The following TRIO variants were observed in gnomAD, a reference collection of about 807,000 sequenced individuals.
TRIO encodes the protein trio Rho guanine nucleotide exchange factor.
In TRIO, 58 loss-of-function variants were observed where a neutral mutation model predicts 351.9. The observed-to-expected ratio is 0.16, with a 90% confidence interval of 0.13 to 0.21. The LOEUF is 0.21. Among genes scored for constraint, TRIO ranks in the 10% least tolerant of loss-of-function variants. The probability of loss-of-function intolerance (pLI) is 1.00; values close to 1 mark genes in which losing one functional copy is unlikely to be tolerated. For synonymous variants in TRIO, 1,758 were observed against 1,595.7 expected (o/e 1.10, Z -2.42); for missense variants, 3,201 against 4,027.8 (o/e 0.79, Z 5.56).
intron 33 of TRIO, among the ~76,000 whole-genome samples, chr5:14,410,142 C>T (rs1749073374): frequency 6.6e-6 from 1 of 152,168 alleles, no homozygotes; most frequent in Non-Finnish European, 1.5e-5. Flanking sequence ...GTGTCTTACT[C>T]CGTTCTGGAG....
chr5:14,464,335 A>C (rs26104), intron 36 of TRIO, among the ~76,000 whole-genome samples: 7 of 152,094 alleles, frequency 4.6e-5, no homozygotes, highest in African/African-American at 1.7e-4. Context: ...CCATTTAAAG[A>C]GTGACCTGCA....
intron 31 of TRIO, among the ~76,000 whole-genome samples, chr5:14,404,787 A>C (rs1018407997): frequency 1.4e-4 from 21 of 152,286 alleles, no homozygotes; most frequent in Admixed American, 1.4e-3. Context: ...ACCTGTTAGT[A>C]ATGTTAAAGA....
At chr5:14,226,118 G>A (rs1793007364) in intron 1 of TRIO, among the ~76,000 whole-genome samples, 1 of 152,136 alleles carries the variant, frequency 6.6e-6, no homozygotes, top group Admixed American at 6.5e-5. Flanking sequence ...CACAGGAGAG[G>A]CAAGGAGGTG....
intron 6 of TRIO, among the ~76,000 whole-genome samples, chr5:14,294,400 CA>C (rs1346555139): frequency 1.3e-5 from 2 of 152,184 alleles, no homozygotes; most frequent in African/African-American, 2.4e-5. Flanking sequence ...TTCGAATCGT[CA>C]AACCTGGGCA....
Position 14,387,947 on chromosome 5 carries a change from A to G in TRIO, c.3881+100A>G. Reference sequence around the variant, plus strand: ...TGTGTGTGCTTTGAAGTCACATGGCACCCAGGCTTTTTGTTGCTCTGGGTG... The same window carrying G: ...TGTGTGTGCTTTGAAGTCACATGGCGCCCAGGCTTTTTGTTGCTCTGGGTG... On this transcript the variant is annotated intron_variant, in intron 23 of 56. Transcript: ENST00000344204. 3.1e-6 allele frequency: 4 copies of G among 1,300,762 alleles called. No homozygotes were observed. In the South Asian group the frequency reaches 5.3e-5, roughly 17 times the overall value. 80.6% of individuals were successfully genotyped at this position (1,300,762 alleles called of 1,614,324 possible).
At chr5:14,477,910 C>A (rs776526306) in intron 41 of TRIO, among the ~76,000 whole-genome samples, 5 of 152,198 alleles carry the variant, frequency 3.3e-5, no homozygotes, top group Non-Finnish European at 7.3e-5. Flanking sequence ...GTGGCAGATA[C>A]ATATTTCCAA....
chr5:14,166,616 TAGTC>T (rs1226139777), intron 1 of TRIO, among the ~76,000 whole-genome samples: 23 of 152,306 alleles, frequency 1.5e-4, no homozygotes, highest in Admixed American at 1.4e-3. Context: ...GCTCAGCACA[TAGTC>T]AGTGCTTAGT....
At chr5:14,335,547 C>G (rs1423230502) in intron 10 of TRIO, among the ~76,000 whole-genome samples, 1 of 152,180 alleles carries the variant, frequency 6.6e-6, no homozygotes, top group East Asian at 1.9e-4. Flanking sequence ...TGGAGGAACC[C>G]ACTTACAGCC....
intron 1 of TRIO, among the ~76,000 whole-genome samples, chr5:14,253,622 C>T (rs1794868157): frequency 6.6e-6 from 1 of 152,186 alleles, no homozygotes; most frequent in Non-Finnish European, 1.5e-5. Context: ...TGATTACGGG[C>T]ATGAACTCCC....
chr5:14,249,919 C>A (rs1794641965), intron 1 of TRIO, among the ~76,000 whole-genome samples: 1 of 152,162 alleles, frequency 6.6e-6, no homozygotes, highest in Non-Finnish European at 1.5e-5. Context: ...GATTTTCATA[C>A]CAAGTTCATA....
At chr5:14,460,284 T>C (rs1014028937) in intron 34 of TRIO, among the ~76,000 whole-genome samples, 1 of 152,142 alleles carries the variant, frequency 6.6e-6, no homozygotes, top group Non-Finnish European at 1.5e-5. Flanking sequence ...TCAGCACATG[T>C]GGTAAGTTTC....
chr5:14,261,162 C>T (rs1306110688), intron 1 of TRIO, among the ~76,000 whole-genome samples: 1 of 152,182 alleles, frequency 6.6e-6, no homozygotes, highest in Non-Finnish European at 1.5e-5. Context: ...AAACCCAAAT[C>T]GTGGTTCAGT....
At chr5:14,213,631 T>C (rs1321285144) in intron 1 of TRIO, among the ~76,000 whole-genome samples, 3 of 152,244 alleles carry the variant, frequency 2.0e-5, no homozygotes, top group African/African-American at 7.2e-5. Flanking sequence ...TTGTTAAAGA[T>C]GGTATGTTTA....
chr5:14,346,002 GAC>G (rs1742382725), intron 11 of TRIO, among the ~76,000 whole-genome samples: 1 of 152,164 alleles, frequency 6.6e-6, no homozygotes, highest in Non-Finnish European at 1.5e-5. Flanking sequence ...ATGTATTTCT[GAC>G]ACATTTGTAC....
chr5:14,312,832 G>A (rs1739046811), intron 8 of TRIO, among the ~76,000 whole-genome samples: 1 of 151,892 alleles, frequency 6.6e-6, no homozygotes, highest in Non-Finnish European at 1.5e-5. Context: ...TTTTCTCCTG[G>A]TTATTCTGTA....
intron 21 of TRIO, among the ~76,000 whole-genome samples, chr5:14,382,163 G>A (rs912495000): frequency 2.6e-5 from 4 of 152,192 alleles, no homozygotes; most frequent in African/African-American, 9.7e-5. Context: ...TGATAAGTGG[G>A]ATAATATTTT....
chr5:14,167,944 G>A (rs1788868632), intron 1 of TRIO, among the ~76,000 whole-genome samples: 1 of 152,056 alleles, frequency 6.6e-6, no homozygotes, highest in African/African-American at 2.4e-5. Flanking sequence ...CTATATATCA[G>A]AATCATCTGA....
intron 1 of TRIO, among the ~76,000 whole-genome samples, chr5:14,144,247 G>T (rs374338962): frequency 5.1e-4 from 77 of 152,312 alleles, no homozygotes; most frequent in African/African-American, 1.8e-3. Flanking sequence ...AGGAGGCGGC[G>T]GCGGAGATGG....
intron 1 of TRIO, among the ~76,000 whole-genome samples, chr5:14,187,447 A>ATTT (rs926675393): frequency 6.6e-6 from 1 of 151,746 alleles, no homozygotes; most frequent in South Asian, 2.1e-4. Context: ...TGTGGGCTTT[A>ATTT]TTTTTATTCC....
Sources: allele counts gnomAD v4.1 joint callset (sites outside exome capture counted in the v4.1 genomes callset), GRCh38; gene constraint gnomAD v4.1.1; transcripts MANE v1.5; gene names NCBI Gene and HGNC (gene_info 2026-07-23, HGNC 2026-07-21).